Variants in LMLN observed in about 807,000 individuals in gnomAD.
LMLN encodes the protein leishmanolysin-like peptidase.
Under a neutral mutation model 92.3 loss-of-function variants are expected in LMLN, and 70 were observed. The observed-to-expected ratio is 0.76, with a 90% CI of 0.63 to 0.92. LMLN has a LOEUF of 0.92. Ranked by LOEUF, LMLN falls within the 40% of genes least tolerant of loss-of-function variation. LMLN has a pLI of 0.00. For missense variants in LMLN, 691 were observed against 814.6 expected, an observed-to-expected ratio of 0.85 and a Z score of 1.85; for synonymous variants, 308 against 296.2, an observed-to-expected ratio of 1.04 and a Z score of -0.41.
intron 3 of LMLN, among the ~76,000 whole-genome samples, chr3:197,975,348 G>T (rs907245913): frequency 1.1e-4 from 17 of 150,160 alleles, no homozygotes; most frequent in Non-Finnish European, 2.1e-4. Flanking sequence ...AAATCATGCA[G>T]AGAATAGGGT....
At chr3:198,010,335 G>A (rs1722399625) in intron 11 of LMLN, among the ~76,000 whole-genome samples, 1 of 151,850 alleles carries the variant, frequency 6.6e-6, no homozygotes, top group Admixed American at 6.6e-5. Flanking sequence ...GTATTTTTTA[G>A]TAGGGATTTC....
intron 3 of LMLN, among the ~76,000 whole-genome samples, 161 bp downstream of exon 3, chr3:197,975,233 T>C (rs1015878971): frequency 2.0e-5 from 3 of 152,248 alleles, no homozygotes; most frequent in African/African-American, 7.2e-5. Flanking sequence ...TTTGTGATGC[T>C]CTCATGAAAA....
At chr3:198,043,541 C>A (rs890185280) in exon 16 of LMLN, 2 of 152,554 alleles carry the variant, frequency 1.3e-5, no homozygotes, top group African/African-American at 4.8e-5. Context: ...AAAGAACTTA[C>A]CTGAGAGGAG....
intron 5 of LMLN, among the ~76,000 whole-genome samples, chr3:197,976,962 C>G (rs543463721): frequency 6.6e-6 from 1 of 152,322 alleles, no homozygotes; most frequent in South Asian, 2.1e-4. Flanking sequence ...ATCACTTTAG[C>G]TTAGAACATT....
chr3:198,002,041 A>G (rs1722188603), intron 11 of LMLN, among the ~76,000 whole-genome samples: 1 of 152,242 alleles, frequency 6.6e-6, no homozygotes, highest in African/African-American at 2.4e-5. Context: ...GTATAATTTT[A>G]TAACTTTTGC....
intron 11 of LMLN, 34 bp from the exon 12 acceptor site, chr3:198,002,981 C>A: frequency 2.5e-6 from 3 of 1,182,324 alleles, no homozygotes; most frequent in Non-Finnish European, 3.7e-6. Context: ...GAAAGGACAG[C>A]AGTAAAAATT....
At chr3:197,995,565 T>C (rs1191982055) in intron 9 of LMLN, among the ~76,000 whole-genome samples, 3 of 152,104 alleles carry the variant, frequency 2.0e-5, no homozygotes, top group Non-Finnish European at 4.4e-5. Flanking sequence ...GTAGTGGTTA[T>C]AGAGGCTGGG....
chr3:198,000,362 G>A (rs1722137170), intron 11 of LMLN, among the ~76,000 whole-genome samples: 1 of 152,214 alleles, frequency 6.6e-6, no homozygotes, highest in Non-Finnish European at 1.5e-5. Context: ...TTAAAACCAT[G>A]AAAATTGTTG....
At chr3:198,003,581 T>C (rs1031041925) in intron 11 of LMLN, among the ~76,000 whole-genome samples, 5 of 151,262 alleles carry the variant, frequency 3.3e-5, no homozygotes, top group Non-Finnish European at 7.4e-5. Flanking sequence ...TTGATATCTA[T>C]CTATATATCA....
At position 198,012,658 on chromosome 3, in the gene LMLN, A is replaced by G. The variant is rs1722481125; in HGVS notation, c.1233-6595A>G. On this transcript the variant is annotated intron_variant, in intron 11 of 15. Transcript: ENST00000330198. ...AGTCTGACTTCTCTCCACCCTTCAG[A>G]GTCCCCTAACTAGTCTGACTTCTCT... Among the ~76,000 whole-genome samples, 4 of 151,112 alleles carry G rather than the reference A, an allele frequency of 2.6e-5. No individual in the cohort carries two copies. The South Asian group carries it at 8.4e-4, about 32-fold the overall frequency.
At chr3:197,990,669 GTGT>G in exon 9 of LMLN, 4 of 1,504,856 alleles carry the variant, frequency 2.7e-6, no homozygotes, top group Non-Finnish European at 3.7e-6. Context: ...GTAACGCCTC[GTGT>G]TGTTGTAAGT....
chr3:197,974,337 G>T (rs765292015), intron 1 of LMLN, 40 bp from the exon 2 acceptor site: 1 of 1,040,672 alleles, frequency 9.6e-7, no homozygotes, highest in Non-Finnish European at 1.5e-6. Flanking sequence ...GGGTTAATCT[G>T]TATGTCTTAA....
At position 197,990,547 on chromosome 3, in the gene LMLN, C is replaced by G. The variant is rs1438877770; in HGVS notation, c.930-12C>G. On this transcript the variant is annotated splice_polypyrimidine_tract_variant and intron_variant, in intron 8 of 15. Coordinates refer to ENST00000330198, the Ensembl canonical transcript of LMLN. ...TTTCAGTAATAATTGTGTTTTAATT[C>G]TATAATTACAGTCTGGGATTATATC... The G allele has an allele frequency of 1.1e-5, 12 of 1,142,464 alleles. No homozygotes were observed. The highest frequency in any genetic ancestry group is 1.6e-5 in the Non-Finnish European group (12 of 762,190). 70.8% of individuals were successfully genotyped at this position (1,142,464 alleles called of 1,614,324 possible).
At position 197,974,571 on chromosome 3, in the gene LMLN, A is replaced by C. The variant is rs538112462; in HGVS notation, c.317+97A>C. On this transcript the variant is annotated intron_variant, in intron 2 of 15. Transcript: ENST00000330198. ...TGAAGTTCTAAGAATCCATAGATAA[A>C]ACTTAAGGACTAGTGTAGCTTCAAA... 6.7e-5 allele frequency: 43 copies of C among 638,710 alleles called. No individual in the cohort carries two copies. In the African/African-American group the frequency reaches 7.4e-4, roughly 11 times the overall value. The allele number at this position is 638,710 out of a possible 1,614,324, so 39.6% of individuals were successfully genotyped here.
intron 13 of LMLN, among the ~76,000 whole-genome samples, chr3:198,024,223 T>G (rs2109940831): frequency 6.6e-6 from 1 of 150,964 alleles, no homozygotes; most frequent in South Asian, 2.1e-4. Context: ...ATTTTTTTTT[T>G]TTTTTTTTTT....
At chr3:198,026,086 C>G (rs1159306535) in intron 14 of LMLN, among the ~76,000 whole-genome samples, 1 of 152,022 alleles carries the variant, frequency 6.6e-6, no homozygotes, top group Admixed American at 6.6e-5. Context: ...ATCTGAGAAG[C>G]TGGGACTACA....
chr3:198,038,715 T>G, exon 16 of LMLN: 1 of 1,430,274 alleles, frequency 7.0e-7, no homozygotes, highest in Non-Finnish European at 9.9e-7. Context: ...TATGTTCTTG[T>G]GAACAAAGCA....
At chr3:197,992,187 A>G (rs147169844) in intron 9 of LMLN, among the ~76,000 whole-genome samples, 5 of 151,944 alleles carry the variant, frequency 3.3e-5, no homozygotes, top group African/African-American at 1.2e-4. Flanking sequence ...CACACATCCT[A>G]TTGGTTCTGT....
At chr3:198,029,111 A>G (rs935901825) in intron 14 of LMLN, among the ~76,000 whole-genome samples, 5 of 152,240 alleles carry the variant, frequency 3.3e-5, no homozygotes, top group African/African-American at 1.2e-4. Flanking sequence ...CTCTCTAATT[A>G]GAAACCAGAA....
Sources: gnomAD v4.1 joint callset for allele counts (sites outside exome capture counted in the v4.1 genomes callset) on GRCh38, gnomAD v4.1.1 for gene constraint, MANE v1.5 for transcripts, NCBI Gene and HGNC (gene_info 2026-07-23, HGNC 2026-07-21) for gene names.